Variants in ROBO2 observed in about 807,000 individuals in gnomAD.
ROBO2 encodes the protein roundabout homolog 2.
ROBO2 carries 53 observed loss-of-function variants against 160.8 expected under a neutral mutation model. That is an observed-to-expected ratio of 0.33 (90% CI 0.26 to 0.41). ROBO2 has a LOEUF of 0.41. Ranked by LOEUF, ROBO2 falls within the 10% of genes least tolerant of loss-of-function variation. The pLI is 1.00. For synonymous variants in ROBO2, 664 were observed against 611.7 expected (o/e 1.09, Z -1.26); for missense variants, 1,577 against 1,722.4 (o/e 0.92, Z 1.49).
intron 18 of ROBO2, among the ~76,000 whole-genome samples, chr3:77,596,276 G>A (rs546178397): frequency 1.3e-5 from 2 of 152,252 alleles, no homozygotes; most frequent in Admixed American, 1.3e-4. Context: ...CTTAGAAATG[G>A]CTGACATAGA....
At chr3:76,012,695 G>A (rs1451723027) in intron 2 of ROBO2, among the ~76,000 whole-genome samples, 1 of 152,078 alleles carries the variant, frequency 6.6e-6, no homozygotes, top group Non-Finnish European at 1.5e-5. Context: ...AATCCGTGTG[G>A]TGTTATTTTT....
At chr3:77,528,752 A>T (rs2153632870) in intron 6 of ROBO2, among the ~76,000 whole-genome samples, 1 of 151,744 alleles carries the variant, frequency 6.6e-6, no homozygotes, top group African/African-American at 2.4e-5. Context: ...TTCACATTTC[A>T]ATATTTTTTA....
intron 2 of ROBO2, among the ~76,000 whole-genome samples, chr3:77,415,038 C>A (rs2077100123): frequency 6.6e-6 from 1 of 152,150 alleles, no homozygotes; most frequent in South Asian, 2.1e-4. Context: ...ACTGCTCACT[C>A]CACCCATGAT....
At chr3:76,590,711 T>G (rs1015142769) in intron 2 of ROBO2, among the ~76,000 whole-genome samples, 19 of 152,192 alleles carry the variant, frequency 1.2e-4, no homozygotes, top group Non-Finnish European at 2.8e-4. Flanking sequence ...GGAGTGTTTA[T>G]ATTTTTTTAT....
At chr3:77,005,206 G>GCC (rs2061521996) in intron 2 of ROBO2, among the ~76,000 whole-genome samples, 2 of 152,060 alleles carry the variant, frequency 1.3e-5, no homozygotes. Flanking sequence ...CTCTATGGCC[G>GCC]CCGCCTTGCT....
At chr3:77,502,728 A>G (rs1050488073) in intron 5 of ROBO2, among the ~76,000 whole-genome samples, 1 of 152,204 alleles carries the variant, frequency 6.6e-6, no homozygotes, top group Non-Finnish European at 1.5e-5. Flanking sequence ...TTTACGTAGC[A>G]TTTAGATTAG....
Position 77,640,431 on chromosome 3 carries a change from T to C in ROBO2, c.3935-4273T>C, listed in dbSNP as rs150889193. 1.4e-3 allele frequency among the ~76,000 whole-genome samples: 216 copies of C among 152,302 alleles called. 3 individuals are homozygous for C. Among genetic ancestry groups the C allele is most frequent in the East Asian group, 0.014 (73 of 5,174 alleles). On this transcript the variant is annotated intron_variant, in intron 24 of 25. Coordinates refer to ENST00000461745, the Ensembl canonical transcript of ROBO2. ...GCCCGGCCGCATATTTTATATAGGA[T>C]GATCTAGAGCTGAGTTCTCATACAT...
chr3:77,239,549 T>G (rs1416480947), intron 2 of ROBO2, among the ~76,000 whole-genome samples: 1 of 152,200 alleles, frequency 6.6e-6, no homozygotes, highest in Non-Finnish European at 1.5e-5. Flanking sequence ...CCTACTTTTA[T>G]TCCCTTATCT....
rs557311434 is a variant in ROBO2 at position 77,095,996 on chromosome 3, T to C, written c.62-2018T>C. 3.9e-5 allele frequency among the ~76,000 whole-genome samples: 6 copies of C among 152,250 alleles called. 1 individual carries two copies. In the South Asian group the frequency reaches 1.2e-3, roughly 32 times the overall value. The stretch of plus-strand genomic sequence containing the variant: ...TCTAACACTTGTAATGTATACATTC[T>C]TTTTTGGTCTGATGTGATTAAAAAA... On this transcript the variant is annotated intron_variant, in intron 1 of 25. Coordinates refer to ENST00000461745, the Ensembl canonical transcript of ROBO2.
intron 2 of ROBO2, among the ~76,000 whole-genome samples, chr3:76,697,944 G>A (rs1241734122): frequency 1.3e-5 from 2 of 152,022 alleles, no homozygotes; most frequent in South Asian, 2.1e-4. Flanking sequence ...GCCTGTAGAA[G>A]CTCCTCTATT....
At chr3:77,523,811 C>G (rs1462380207) in intron 6 of ROBO2, among the ~76,000 whole-genome samples, 1 of 151,340 alleles carries the variant, frequency 6.6e-6, no homozygotes, top group Admixed American at 6.6e-5. Context: ...TCTCATCCTT[C>G]GTGATAAAGA....
intron 2 of ROBO2, among the ~76,000 whole-genome samples, chr3:77,472,614 TC>T (rs551466297): frequency 2.1e-4 from 32 of 152,082 alleles, no homozygotes; most frequent in African/African-American, 7.5e-4. Context: ...CAATTACATA[TC>T]CCCCCCACCT....
In ROBO2 at chr3:76,141,414, C is replaced by A. The variant is rs145063517; in HGVS notation, c.109+203812C>A. On this transcript the variant is annotated intron_variant, in intron 2 of 26. Coordinates refer to the ROBO2 transcript ENST00000487694. ...TCACGCAATATACCCATGTAACAAA[C>A]CTGCAGATGTACCCACCGAATATAA... Among the ~76,000 whole-genome samples the A allele has an allele frequency of 1.9e-3, 279 of 149,960 alleles. 7 individuals carry two copies. The East Asian group carries it at 0.045, about 24-fold the overall frequency.
At chr3:76,245,084 A>G (rs1483875889) in intron 2 of ROBO2, among the ~76,000 whole-genome samples, 1 of 152,228 alleles carries the variant, frequency 6.6e-6, no homozygotes, top group Admixed American at 6.5e-5. Flanking sequence ...TGAATTTTCA[A>G]TTTGCCTCTT....
intron 2 of ROBO2, among the ~76,000 whole-genome samples, chr3:77,310,207 C>T (rs756027258): frequency 9.2e-5 from 14 of 151,896 alleles, no homozygotes; most frequent in East Asian, 1.9e-4. Context: ...CCGTTTATTG[C>T]GAAATTGTCC....
chr3:77,648,895 G>A (rs1382688858), exon 26 of ROBO2: 2 of 152,160 alleles, frequency 1.3e-5, no homozygotes, highest in South Asian at 2.1e-4. Flanking sequence ...ATCTGGGTGG[G>A]AGAGAATGTA....
At chr3:76,126,505 A>G (rs2070995964) in intron 2 of ROBO2, among the ~76,000 whole-genome samples, 1 of 152,128 alleles carries the variant, frequency 6.6e-6, no homozygotes, top group Non-Finnish European at 1.5e-5. Flanking sequence ...AACCACCTGG[A>G]TTACTATCAA....
chr3:77,055,105 A>G (rs911341834), intron 1 of ROBO2, among the ~76,000 whole-genome samples: 1 of 151,986 alleles, frequency 6.6e-6, no homozygotes, highest in Non-Finnish European at 1.5e-5. Flanking sequence ...AAATCTATTC[A>G]TTTGGAACTC....
At chr3:76,175,134 G>T (rs750124385) in intron 2 of ROBO2, among the ~76,000 whole-genome samples, 2 of 151,974 alleles carry the variant, frequency 1.3e-5, no homozygotes, top group Non-Finnish European at 2.9e-5. Context: ...TTGCGAATGG[G>T]AGTTCACTCA....
Sources: gnomAD v4.1 joint callset for allele counts (sites outside exome capture counted in the v4.1 genomes callset) on GRCh38, gnomAD v4.1.1 for gene constraint, MANE v1.5 for transcripts, NCBI Gene and HGNC (gene_info 2026-07-23, HGNC 2026-07-21) for gene names.